The following STK33 variants were observed in gnomAD, a reference collection of about 807,000 sequenced individuals.
The protein encoded by STK33 is serine/threonine-protein kinase 33.
A neutral mutation model predicts 58.0 loss-of-function variants in STK33; 52 were observed. The ratio of observed to expected loss-of-function variants is 0.90; its 90% confidence interval spans 0.72 to 1.13. STK33 has a LOEUF of 1.13. Ranked by LOEUF, STK33 falls within the 50% of genes most tolerant of loss-of-function variation. STK33 has a pLI of 0.00. For missense variants in STK33, 630 were observed against 604.2 expected (o/e 1.04, Z -0.45); for synonymous variants, 215 against 200.1 (o/e 1.07, Z -0.63).
chr11:8,461,694 C>T (rs181676819), intron 8 of STK33, 111 bp downstream of exon 8: 18 of 699,586 alleles, frequency 2.6e-5, no homozygotes, highest in Middle Eastern at 2.5e-4. Context: ...GTGACAGACT[C>T]ATGGCCAAGG....
At chr11:8,479,766 C>T (rs1394934932) in intron 2 of STK33, among the ~76,000 whole-genome samples, 1 of 152,054 alleles carries the variant, frequency 6.6e-6, no homozygotes, top group Non-Finnish European at 1.5e-5. Context: ...TCGTTTGAAC[C>T]CAGGAGGCAG....
intron 15 of STK33, among the ~76,000 whole-genome samples, chr11:8,397,164 C>A (rs188697659): frequency 1.3e-5 from 2 of 152,350 alleles, no homozygotes; most frequent in Admixed American, 1.3e-4. Context: ...AGACTGCCTC[C>A]TCAAGTGGGT....
the STK33 span, among the ~76,000 whole-genome samples, chr11:8,367,400 C>T: frequency 1.7e-4 from 26 of 152,316 alleles, 1 homozygote; most frequent in East Asian, 5.0e-3. Flanking sequence ...ATTGTACATT[C>T]ATGTTCTGAC....
chr11:8,553,260 A>ATG (rs1343472881), intron 1 of STK33, among the ~76,000 whole-genome samples: 3 of 140,662 alleles, frequency 2.1e-5, no homozygotes, highest in African/African-American at 7.8e-5. Context: ...TGATATATAT[A>ATG]TCATATATAT....
intron 1 of STK33, among the ~76,000 whole-genome samples, chr11:8,506,049 T>C (rs1951841519): frequency 6.6e-6 from 1 of 152,236 alleles, no homozygotes; most frequent in Non-Finnish European, 1.5e-5. Context: ...TACTGTATTA[T>C]TATTTCTGGG....
intron 1 of STK33, among the ~76,000 whole-genome samples, chr11:8,497,674 C>A (rs1951167766): frequency 6.6e-6 from 1 of 152,144 alleles, no homozygotes; most frequent in African/African-American, 2.4e-5. Flanking sequence ...ATTGCCCAGG[C>A]TGGTCTCGAA....
intron 15 of STK33, among the ~76,000 whole-genome samples, chr11:8,395,547 T>C (rs1365612542): frequency 1.3e-5 from 2 of 152,238 alleles, no homozygotes; most frequent in Admixed American, 1.3e-4. Flanking sequence ...TTTATACAAA[T>C]AGTAGCCAAC....
intron 1 of STK33, among the ~76,000 whole-genome samples, chr11:8,546,628 T>C (rs1955935954): frequency 7.0e-6 from 1 of 143,476 alleles, no homozygotes; most frequent in South Asian, 2.5e-4. Flanking sequence ...GAACCATCAG[T>C]CTACTCTCTA....
chr11:8,412,442 A>G (rs942871615), intron 15 of STK33, among the ~76,000 whole-genome samples: 3 of 152,208 alleles, frequency 2.0e-5, no homozygotes, highest in African/African-American at 7.2e-5. Context: ...CATTTGCTAT[A>G]AAGTAATGAA....
chr11:8,395,815 G>C, intron 15 of STK33, among the ~76,000 whole-genome samples: 1 of 152,176 alleles, frequency 6.6e-6, no homozygotes, highest in East Asian at 1.9e-4. Context: ...TATTTTAGAA[G>C]AGAAATTCTT....
the STK33 span, among the ~76,000 whole-genome samples, chr11:8,385,423 C>T: frequency 6.6e-6 from 1 of 152,190 alleles, no homozygotes; most frequent in Admixed American, 6.5e-5. Context: ...GGGCCAAGTC[C>T]TGGACTCCAT....
At chr11:8,488,171 A>G (rs1455355414) in intron 1 of STK33, among the ~76,000 whole-genome samples, 1 of 152,196 alleles carries the variant, frequency 6.6e-6, no homozygotes, top group East Asian at 1.9e-4. Context: ...AGGGCTTGCC[A>G]GTACAAAATG....
At chr11:8,421,903 T>C (rs1564913260) in intron 14 of STK33, among the ~76,000 whole-genome samples, 1 of 152,138 alleles carries the variant, frequency 6.6e-6, no homozygotes, top group Non-Finnish European at 1.5e-5. Context: ...CAATTGACTT[T>C]TGTATATTAA....
chr11:8,550,546 C>T (rs1956234881), intron 1 of STK33, among the ~76,000 whole-genome samples: 1 of 152,168 alleles, frequency 6.6e-6, no homozygotes, highest in Non-Finnish European at 1.5e-5. Flanking sequence ...CCCAAGTCAC[C>T]TAAGTGCTTT....
rs574410068 is a variant in STK33 at position 8,503,332 on chromosome 11, T to C, written c.-465-22718A>G. On this transcript the variant is annotated intron_variant, in intron 1 of 15. Transcript: ENST00000687296. ...GTCTTTTGTAGCAACATAGATGGAT[T>C]GGAGGCCATTATCCTAAGCAGACTA... 2.6e-5 allele frequency among the ~76,000 whole-genome samples: 4 copies of C among 152,264 alleles called. No individual in the cohort carries two copies. In the South Asian group the frequency reaches 8.3e-4, roughly 32 times the overall value.
chr11:8,588,468 T>C (rs1295817081), intron 1 of STK33, among the ~76,000 whole-genome samples: 1 of 152,174 alleles, frequency 6.6e-6, no homozygotes, highest in Non-Finnish European at 1.5e-5. Context: ...GACAACTGAA[T>C]AGCTACACAT....
intron 14 of STK33, among the ~76,000 whole-genome samples, chr11:8,422,104 A>G (rs965129120): frequency 6.6e-6 from 1 of 152,126 alleles, no homozygotes; most frequent in African/African-American, 2.4e-5. Context: ...TCCTTCTCGC[A>G]TTTCCTATTC....
intron 1 of STK33, among the ~76,000 whole-genome samples, chr11:8,525,647 G>A (rs927675293): frequency 3.3e-5 from 5 of 151,984 alleles, no homozygotes; most frequent in African/African-American, 1.2e-4. Context: ...GCTTCCAAAA[G>A]AAAACACTAG....
At chr11:8,384,516 T>C in the STK33 span, among the ~76,000 whole-genome samples, 1 of 152,254 alleles carries the variant, frequency 6.6e-6, no homozygotes, top group Non-Finnish European at 1.5e-5. Flanking sequence ...CTTGTGGTGC[T>C]GTGCTTCAGT....
Sources: allele counts gnomAD v4.1 joint callset (sites outside exome capture counted in the v4.1 genomes callset), GRCh38; gene constraint gnomAD v4.1.1; transcripts MANE v1.5; gene names NCBI Gene and HGNC (gene_info 2026-07-23, HGNC 2026-07-21).